Variants in WNK1 observed in about 807,000 individuals in gnomAD.
The protein encoded by WNK1 is serine/threonine-protein kinase WNK1.
A neutral mutation model predicts 222.8 loss-of-function variants in WNK1; 38 were observed. The ratio of observed to expected loss-of-function variants is 0.17; its 90% CI spans 0.13 to 0.22. The LOEUF is 0.22. Among genes scored for constraint, WNK1 ranks in the 10% least tolerant of loss-of-function variants. The pLI is 1.00. For missense variants in WNK1, 2,348 were observed against 2,918.4 expected (o/e 0.80, Z 4.50); for synonymous variants, 1,090 against 1,092.9 (o/e 1.00, Z 0.05).
At chr12:786,056 C>T (rs1244716590) in intron 1 of WNK1, among the ~76,000 whole-genome samples, 1 of 152,014 alleles carries the variant, frequency 6.6e-6, no homozygotes, top group Admixed American at 6.6e-5. Flanking sequence ...TTTATTAAAA[C>T]TTTTTATTTA....
chr12:881,881 T>G, intron 13 of WNK1, 30 bp from the exon 14 acceptor site: 1 of 1,614,126 alleles, frequency 6.2e-7, no homozygotes, highest in South Asian at 1.1e-5. Flanking sequence ...TATTATAAAC[T>G]GCACTTTTTT....
chr12:822,308 G>A (rs1172314697), intron 2 of WNK1, among the ~76,000 whole-genome samples: 1 of 151,846 alleles, frequency 6.6e-6, no homozygotes, highest in Non-Finnish European at 1.5e-5. Flanking sequence ...TGGTCAGGCT[G>A]GTCTCAAACT....
intron 4 of WNK1, among the ~76,000 whole-genome samples, chr12:837,764 T>G (rs1949312340): frequency 6.6e-6 from 1 of 152,072 alleles, no homozygotes; most frequent in African/African-American, 2.4e-5. Context: ...CGGGCCATAT[T>G]TAGTTTGCTT....
At chr12:851,639 G>A in intron 4 of WNK1, 1 of 1,290,526 alleles carries the variant, frequency 7.7e-7, no homozygotes, top group South Asian at 1.2e-5. Flanking sequence ...ATGTACATCA[G>A]AGACATTTTT....
chr12:900,028 T>TG (rs1381665394), intron 25 of WNK1, among the ~76,000 whole-genome samples: 5 of 148,976 alleles, frequency 3.4e-5, no homozygotes, highest in Admixed American at 3.3e-4. Context: ...TTTTTTTTTT[T>TG]TTTTTTTGAG....
At chr12:864,976 A>C in intron 8 of WNK1, 1 of 1,252,882 alleles carries the variant, frequency 8.0e-7, no homozygotes, top group Non-Finnish European at 1.1e-6. Context: ...CTCCTCAAAA[A>C]AAAAACTGAC....
At chr12:797,528 A>G (rs1215955631) in intron 1 of WNK1, among the ~76,000 whole-genome samples, 5 of 152,230 alleles carry the variant, frequency 3.3e-5, no homozygotes, top group Admixed American at 3.3e-4. Context: ...ATCGGCGTTC[A>G]GTTGGTGTCA....
chr12:894,918 G>A lies in WNK1; in HGVS notation c.5583+283G>A, dbSNP rs72650760. On this transcript the variant is annotated intron_variant, in intron 23 of 27. Transcript: ENST00000315939. ...TATTTCCTTCCACTCCTTGTTTTCT[G>A]TACAAGTGTTTATCTAAAATTAACT... Among the ~76,000 whole-genome samples, 1,132 of 152,176 alleles carry A rather than the reference G, an allele frequency of 7.4e-3. 11 individuals are homozygous for A. The highest frequency in any genetic ancestry group is 0.026 in the African/African-American group (1,075 of 41,494).
chr12:896,116 T>A lies in WNK1; in HGVS notation c.5629T>A (p.Ser1877Thr). The change falls in exon 24 of 28, where the codon TCA (serine) becomes ACA (threonine). Residue 1877 changes from serine (S) to threonine (T), a missense_variant. Transcript: ENST00000315939. ...TGCCCAGAAAGAGGGTAAAAATAAG[T>A]CAGAAGATGCAAAGTCTGTTCATTT... Reference protein sequence around the residue: ...DGAQKEGKNKSEDAKSVHFES... With the variant: ...DGAQKEGKNKTEDAKSVHFES... 1 of 1,614,240 alleles carries A rather than the reference T, an allele frequency of 6.2e-7. No individual in the cohort carries two copies. Among genetic ancestry groups the A allele is most frequent in the Non-Finnish European group, 8.5e-7 (1 of 1,180,042 alleles).
At chr12:895,669 G>C (rs561032897) in intron 23 of WNK1, among the ~76,000 whole-genome samples, 1 of 152,130 alleles carries the variant, frequency 6.6e-6, no homozygotes, top group Non-Finnish European at 1.5e-5. Flanking sequence ...ACGTTGGCCA[G>C]GCTGATCTGA....
chr12:791,225 CCACACACACACA>C (rs141810227), intron 1 of WNK1, among the ~76,000 whole-genome samples: 1 of 145,188 alleles, frequency 6.9e-6, no homozygotes, highest in Admixed American at 6.9e-5. Context: ...ATTTCTCTCA[CCACACACACACA>C]CACACACACA....
chr12:867,735 G>T, intron 8 of WNK1: 1 of 1,025,940 alleles, frequency 9.7e-7, no homozygotes, highest in Non-Finnish European at 1.5e-6. Flanking sequence ...CAGAAGCATT[G>T]TTATTTATTT....
intron 1 of WNK1, among the ~76,000 whole-genome samples, chr12:771,314 A>T (rs1942468449): frequency 6.6e-6 from 1 of 151,732 alleles, no homozygotes; most frequent in Non-Finnish European, 1.5e-5. Flanking sequence ...TTCTTTAGTA[A>T]TTTCTGGCCA....
At chr12:774,105 G>C (rs1296242578) in intron 1 of WNK1, among the ~76,000 whole-genome samples, 4 of 152,102 alleles carry the variant, frequency 2.6e-5, no homozygotes, top group African/African-American at 9.7e-5. Context: ...CTTTCCTCCA[G>C]TCTTTCACCT....
At chr12:908,231 C>T in intron 27 of WNK1, 197 bp downstream of exon 27, 1 of 814,206 alleles carries the variant, frequency 1.2e-6, no homozygotes. Context: ...GTCAGCTCAA[C>T]TTTTTCTTCT....
chr12:907,508 C>T lies in WNK1; in HGVS notation c.6644-339C>T, dbSNP rs561674862. 7.9e-5 allele frequency among the ~76,000 whole-genome samples: 12 copies of T among 152,326 alleles called. No homozygotes were observed. In the South Asian group the frequency reaches 1.4e-3, roughly 18 times the overall value. Reference sequence around the variant, plus strand: ...TAGCCTTGCTGATTGTATCACACCTCCATCAGCAACGTGATGCTGGGAATA... The same window carrying T: ...TAGCCTTGCTGATTGTATCACACCTTCATCAGCAACGTGATGCTGGGAATA... On this transcript the variant is annotated intron_variant, in intron 26 of 27. Transcript: ENST00000315939.
intron 4 of WNK1, 120 bp from the exon 5 acceptor site, chr12:857,041 C>A (rs1187061870): frequency 3.1e-6 from 3 of 974,204 alleles, no homozygotes; most frequent in African/African-American, 1.6e-5. Context: ...CTCCTGCAGG[C>A]GAGTCAGAAA....
At chr12:793,877 A>T (rs1363902876) in intron 1 of WNK1, among the ~76,000 whole-genome samples, 1 of 152,142 alleles carries the variant, frequency 6.6e-6, no homozygotes, top group Non-Finnish European at 1.5e-5. Flanking sequence ...TAAGTTTTAG[A>T]ACATTTTAAT....
chr12:822,177 C>T (rs1288966398), intron 2 of WNK1, among the ~76,000 whole-genome samples: 6 of 150,070 alleles, frequency 4.0e-5, no homozygotes, highest in Non-Finnish European at 7.4e-5. Flanking sequence ...CACTGCAACC[C>T]CCGCCTCCCG....
Sources: allele counts gnomAD v4.1 joint callset (sites outside exome capture counted in the v4.1 genomes callset), GRCh38; gene constraint gnomAD v4.1.1; transcripts MANE v1.5; gene names NCBI Gene and HGNC (gene_info 2026-07-23, HGNC 2026-07-21).